Variants in SZT2 observed in about 807,000 individuals in gnomAD.
SZT2 encodes KICSTOR complex protein SZT2.
In SZT2, 216 loss-of-function variants were observed where a neutral mutation model predicts 404.2. The ratio of observed to expected loss-of-function variants is 0.53; its 90% CI spans 0.48 to 0.60. The LOEUF is 0.60. SZT2 is among the 20% of genes least tolerant of loss of function. The pLI, the probability that SZT2 is intolerant of heterozygous loss-of-function variation, is 0.00. For missense variants in SZT2, 3,857 were observed against 4,459.2 expected (o/e 0.86, Z 3.85); for synonymous variants, 1,693 against 1,749.9 (o/e 0.97, Z 0.81).
chr1:43,419,876 A>G lies in SZT2; in HGVS notation c.1022A>G (p.Tyr341Cys). The change falls in exon 8 of 72, where the codon TAC becomes TGC. Residue 341 changes from tyrosine to cysteine, a missense_variant. Transcript: ENST00000634258. ...PEPGNLGLTV[Y>C]HRAFLLYSFL... ...CCAGGCAACCTGGGTCTGACTGTCT[A>G]CCACCGGGCATTTCTCCTCTATTCC... 6.3e-7 allele frequency: 1 copy of G among 1,598,448 alleles called. No individual in the cohort carries two copies. Among genetic ancestry groups the G allele is most frequent in the Non-Finnish European group, 8.5e-7 (1 of 1,179,788 alleles).
chr1:43,392,375 C>A (rs1648493330), intron 1 of SZT2, among the ~76,000 whole-genome samples: 1 of 150,782 alleles, frequency 6.6e-6, no homozygotes, highest in African/African-American at 2.4e-5. Context: ...AATTTCAAGT[C>A]AAGACACACA....
intron 14 of SZT2, 36 bp from the exon 15 acceptor site, chr1:43,423,063 T>C: frequency 6.5e-7 from 1 of 1,550,330 alleles, no homozygotes; most frequent in South Asian, 1.2e-5. Context: ...CTGTAGGAGA[T>C]GGGAGTAAGA....
intron 3 of SZT2, 49 bp from the exon 4 acceptor site, chr1:43,404,331 G>C: frequency 6.4e-7 from 1 of 1,551,738 alleles, no homozygotes; most frequent in Non-Finnish European, 8.8e-7. Flanking sequence ...TCTGCCCTCT[G>C]GTTAGGGCTG....
At position 43,422,591 on chromosome 1, in the gene SZT2, C is replaced by A; in HGVS notation, c.1881C>A (p.Phe627Leu). 1 of 1,597,926 alleles carries A rather than the reference C, an allele frequency of 6.3e-7. No individual in the cohort carries two copies. Among genetic ancestry groups the A allele is most frequent in the Non-Finnish European group, 8.5e-7 (1 of 1,179,630 alleles). The change falls in exon 13 of 72, where the codon TTC (phenylalanine) becomes TTA (leucine). Residue 627 changes from phenylalanine to leucine, a missense_variant. By Grantham distance (22) the Phe-to-Leu change is conservative. This residue lies in a region of SZT2 where 1,725 missense variants were observed against 1,881.0 expected (regional missense o/e 0.92). Transcript: ENST00000634258. ...LTSLLRDWSSFVLVEGYSYVK... is the reference protein window; with the variant it reads ...LTSLLRDWSSLVLVEGYSYVK... ...CTCTGCTGCGGGACTGGAGCAGCTTCGTACTAGTCGAGGGCTATTCTTATG... is the reference window on the plus strand; with the variant it reads ...CTCTGCTGCGGGACTGGAGCAGCTTAGTACTAGTCGAGGGCTATTCTTATG...
At chr1:43,393,985 C>A in intron 1 of SZT2, 1 of 612,262 alleles carries the variant, frequency 1.6e-6, no homozygotes, top group Non-Finnish European at 2.0e-6. Flanking sequence ...ATGATAGAAT[C>A]AGATTTGAAT....
chr1:43,438,493 T>A (rs920955217), intron 46 of SZT2, among the ~76,000 whole-genome samples: 2 of 151,902 alleles, frequency 1.3e-5, no homozygotes, highest in African/African-American at 4.8e-5. Flanking sequence ...GGCACAGAGG[T>A]TTTGAGAGTA....
chr1:43,416,937 G>A (rs918422539), intron 7 of SZT2, among the ~76,000 whole-genome samples: 2 of 152,170 alleles, frequency 1.3e-5, no homozygotes, highest in African/African-American at 4.8e-5. Context: ...TGTTTTGAGT[G>A]CAAGGGTCAG....
rs1445348899 is a variant in SZT2, at chr1:43,443,386, G to T, written c.8534G>T (p.Arg2845Leu). 1.9e-6 allele frequency: 3 copies of T among 1,614,130 alleles called. No homozygotes were observed. In the South Asian group the frequency reaches 3.3e-5, roughly 18 times the overall value. Residue 2845 changes from arginine (R) to leucine (L), a missense_variant, in exon 61 of 72, where the codon CGC (arginine) becomes CTC (leucine). By Grantham distance (102) the Arg-to-Leu change is moderately radical (BLOSUM62 -2). Transcript: ENST00000634258. ...GELETLKQSS[R>L]LVHYCATAML... ...CTGGAGACCCTGAAGCAGTCATCCC[G>T]CCTGGTGCATTACTGTGCAACAGCC...
In SZT2 at chr1:43,422,571, C is replaced by T; in HGVS notation, c.1861C>T (p.Leu621=). 6.3e-7 allele frequency: 1 copy of T among 1,598,180 alleles called. No homozygotes were observed. The highest frequency in any genetic ancestry group is 8.5e-7 in the Non-Finnish European group (1 of 1,179,710). ...CTCCCACTCCTCCCTGACCTCTCTG[C>T]TGCGGGACTGGAGCAGCTTCGTACT... The part of the protein sequence containing the change: ...RISHSSLTSL[L]RDWSSFVLVE... The change falls in exon 13 of 72, where the codon CTG becomes TTG. Residue 621 remains leucine (L), a synonymous_variant. Coordinates refer to ENST00000634258, the MANE Select transcript of SZT2 (RefSeq NM_001365999.1).
chr1:43,411,769 C>A (rs1360904328), intron 4 of SZT2, among the ~76,000 whole-genome samples: 1 of 74,056 alleles, frequency 1.4e-5, no homozygotes, highest in Non-Finnish European at 2.4e-5. Context: ...CATCCACTAT[C>A]TTTTTTTTTT....
Position 43,426,424 on chromosome 1 carries a change from T to C in SZT2, c.3100T>C (p.Cys1034Arg). 1.3e-6 allele frequency: 2 copies of C among 1,594,626 alleles called. No homozygotes were observed. The highest frequency in any genetic ancestry group is 1.7e-6 in the Non-Finnish European group (2 of 1,178,226). The change falls in exon 22 of 72, where the codon TGC (cysteine) becomes CGC (arginine). Residue 1034 changes from cysteine (C) to arginine (R), a missense_variant. Cys to Arg is a radical substitution (Grantham distance 180). This residue lies in a region of SZT2 where 1,725 missense variants were observed against 1,881.0 expected (regional missense o/e 0.92). Coordinates refer to ENST00000634258, the MANE Select transcript of SZT2 (RefSeq NM_001365999.1). The surrounding 1 kb of genome is among the most constrained non-coding windows in gnomAD (Gnocchi z 4.9). ...GSCPANDMVL[C>R]LLHSCLGQEL... ...CTGTCCTGCCAACGACATGGTGCTG[T>C]GCCTGCTGCACAGCTGCCTGGGGCA...
At position 43,442,408 on chromosome 1, in the gene SZT2, C is replaced by G. The variant is rs200572608; in HGVS notation, c.7975-34C>G. The G allele has an allele frequency of 1.2e-6, 2 of 1,612,240 alleles. No individual in the cohort carries two copies. The highest frequency in any genetic ancestry group is 2.2e-5 in the South Asian group (2 of 90,770). On this transcript the variant is annotated intron_variant, in intron 57 of 71. Coordinates refer to ENST00000634258, the MANE Select transcript of SZT2 (RefSeq NM_001365999.1). The surrounding 1 kb of genome is among the most constrained non-coding windows in gnomAD (Gnocchi z 4.5). ...AGGGACTGGGTGGGAAGAGGGGTTC[C>G]GTGATCTCACTGACCCTGACCCCCG...
chr1:43,420,038 C>A lies in SZT2; in HGVS notation c.1090+94C>A. 6.4e-7 allele frequency: 1 copy of A among 1,561,326 alleles called. No individual in the cohort carries two copies. Among genetic ancestry groups the A allele is most frequent in the Non-Finnish European group, 8.7e-7 (1 of 1,154,044 alleles). ...TGGAGGACTGAAAGTGTAACTGGGGCTGGCTCTGCTGGCACTGTTACCTCA... is the reference window on the plus strand; with the variant it reads ...TGGAGGACTGAAAGTGTAACTGGGGATGGCTCTGCTGGCACTGTTACCTCA... On this transcript the variant is annotated intron_variant, in intron 8 of 71. Coordinates refer to ENST00000634258, the MANE Select transcript of SZT2 (RefSeq NM_001365999.1). The surrounding 1 kb of genome is among the most constrained non-coding windows in gnomAD (Gnocchi z 5.1).
chr1:43,408,806 C>T (rs1363064501), intron 4 of SZT2, among the ~76,000 whole-genome samples: 1 of 152,096 alleles, frequency 6.6e-6, no homozygotes, highest in African/African-American at 2.4e-5. Context: ...GTTTTCCTTC[C>T]CATGGGCCTG....
chr1:43,425,659 C>G lies in SZT2; in HGVS notation c.2814+17C>G. On this transcript the variant is annotated intron_variant, in intron 19 of 71. Coordinates refer to ENST00000634258, the MANE Select transcript of SZT2 (RefSeq NM_001365999.1). This position sits in a 1 kb window ranked among gnomAD's most constrained non-coding sequence, Gnocchi z 4.3. The stretch of plus-strand genomic sequence containing the variant: ...CCGCAAGCTGTGAGTGTCCTCAGAA[C>G]AGTACCCGCACCTCTCTCACTGGAT... The G allele has an allele frequency of 6.2e-7, 1 of 1,613,250 alleles. No individual in the cohort carries two copies. Among genetic ancestry groups the G allele is most frequent in the Non-Finnish European group, 8.5e-7 (1 of 1,179,862 alleles).
rs1236453235 is a variant in SZT2, at chr1:43,421,102, G to A, written c.1497-72G>A. 4 of 1,596,334 alleles carry A rather than the reference G, an allele frequency of 2.5e-6. No homozygotes were observed. In the Admixed American group the frequency reaches 6.7e-5, roughly 27 times the overall value. On this transcript the variant is annotated intron_variant, in intron 10 of 71. Coordinates refer to ENST00000634258, the MANE Select transcript of SZT2 (RefSeq NM_001365999.1). The stretch of plus-strand genomic sequence containing the variant: ...ACCAGGCTTATATCCAGGGTCCCAT[G>A]TCCCCCTAAGGCTCCCCTCATCTGC...
At chr1:43,415,263 A>G in intron 5 of SZT2, 50 bp downstream of exon 5, 1 of 1,591,506 alleles carries the variant, frequency 6.3e-7, no homozygotes, top group Non-Finnish European at 8.5e-7. Context: ...AGGAGCAGCT[A>G]AGGACAGAGG....
At position 43,453,075 on chromosome 1, in the gene SZT2, C is replaced by T; in HGVS notation, c.*2595C>T. 1 of 899,396 alleles carries T rather than the reference C, an allele frequency of 1.1e-6. No homozygotes were observed. The highest frequency in any genetic ancestry group is 1.8e-6 in the Non-Finnish European group (1 of 550,654). 55.7% of individuals were successfully genotyped at this position (899,396 alleles called of 1,614,324 possible). ...ATCCAGACAGGGTTAGGTGCCTACC[C>T]TGCTCCCACAGCTTCCTGGAATAGG... On this transcript the variant is annotated 3_prime_UTR_variant, in exon 72 of 72. Transcript: ENST00000634258.
At position 43,441,782 on chromosome 1, in the gene SZT2, C is replaced by T. The variant is rs1655085529; in HGVS notation, c.7706C>T (p.Ala2569Val). The change falls in exon 55 of 72, where the codon GCT (alanine) becomes GTT (valine). Residue 2569 changes from alanine (A) to valine (V), a missense_variant. Physicochemically the swap from Ala to Val is moderately conservative, Grantham distance 64. Transcript: ENST00000634258. This position sits in a 1 kb window ranked among gnomAD's most constrained non-coding sequence, Gnocchi z 4.8. The part of the protein sequence containing the change: ...SEFTALVTSM[A>V]GDTSVRIFEQ... ...TTCACCGCACTGGTCACCTCAATGG[C>T]TGGAGACACCAGTGTCCGCATCTTT... The T allele has an allele frequency of 6.2e-6, 10 of 1,614,196 alleles. No individual in the cohort carries two copies. The highest frequency in any genetic ancestry group is 7.6e-6 in the Non-Finnish European group (9 of 1,180,036).
Sources: allele counts gnomAD v4.1 joint callset (sites outside exome capture counted in the v4.1 genomes callset), GRCh38; gene constraint gnomAD v4.1.1; regional missense constraint gnomAD v4.1.1; non-coding constraint Gnocchi (gnomAD v3.1); transcripts MANE v1.5; gene names NCBI Gene and HGNC (gene_info 2026-07-23, HGNC 2026-07-21).